The following GRIK4 variants were observed in gnomAD, a reference collection of about 807,000 sequenced individuals.
The protein encoded by GRIK4 is glutamate receptor ionotropic, kainate 4.
A neutral mutation model predicts 104.9 loss-of-function variants in GRIK4; 40 were observed. The observed-to-expected ratio is 0.38, with a 90% CI of 0.30 to 0.50. GRIK4 has a LOEUF of 0.50. GRIK4 is among the 20% of genes least tolerant of loss of function. The pLI, the probability that GRIK4 is intolerant of heterozygous loss-of-function variation, is 0.93. For missense variants in GRIK4, 1,047 were observed against 1,308.1 expected (o/e 0.80, Z 3.08); for synonymous variants, 485 against 524.9 (o/e 0.92, Z 1.04).
intron 14 of GRIK4, among the ~76,000 whole-genome samples, chr11:120,948,360 C>T (rs571998762): frequency 2.0e-5 from 3 of 152,274 alleles, no homozygotes; most frequent in Admixed American, 2.0e-4. Flanking sequence ...GAAGAGAGCT[C>T]GTATCATGCA....
intron 1 of GRIK4, among the ~76,000 whole-genome samples, chr11:120,593,941 G>A (rs2135117617): frequency 6.6e-6 from 1 of 152,110 alleles, no homozygotes; most frequent in East Asian, 1.9e-4. Flanking sequence ...CCTCCAGCAG[G>A]TGCCTCAAAT....
At chr11:120,700,882 C>T (rs1487228058) in intron 3 of GRIK4, among the ~76,000 whole-genome samples, 3 of 152,156 alleles carry the variant, frequency 2.0e-5, no homozygotes, top group East Asian at 1.9e-4. Context: ...TGTGAGCCAT[C>T]GCAGCCGGCC....
At chr11:120,730,953 A>C (rs935334126) in intron 3 of GRIK4, among the ~76,000 whole-genome samples, 2 of 152,134 alleles carry the variant, frequency 1.3e-5, no homozygotes, top group Non-Finnish European at 2.9e-5. Context: ...CAGTTCTAAT[A>C]GTTTTTTGGT....
chr11:120,659,087 T>C (rs1949769002), intron 2 of GRIK4, among the ~76,000 whole-genome samples: 1 of 152,076 alleles, frequency 6.6e-6, no homozygotes, highest in Admixed American at 6.5e-5. Context: ...GCACCTGGGA[T>C]TAGCATATCC....
At chr11:120,706,994 C>T (rs956613490) in intron 3 of GRIK4, among the ~76,000 whole-genome samples, 5 of 152,232 alleles carry the variant, frequency 3.3e-5, no homozygotes, top group African/African-American at 7.2e-5. Context: ...TACCAATCCT[C>T]TCTGACTTGG....
Position 120,524,755 on chromosome 11 carries a change from T to C in GRIK4, c.-159+12868T>C, listed in dbSNP as rs1244950892. 1.3e-5 allele frequency among the ~76,000 whole-genome samples: 2 copies of C among 152,088 alleles called. No individual in the cohort carries two copies. Among genetic ancestry groups the C allele is most frequent in the Non-Finnish European group, 2.9e-5 (2 of 68,016 alleles). ...GGGGTGCTCCTTCAGACATACCCAGTGTGAGCTAGGGGCTGCCTGCATCCT... is the reference window on the plus strand; with the variant it reads ...GGGGTGCTCCTTCAGACATACCCAGCGTGAGCTAGGGGCTGCCTGCATCCT... On this transcript the variant is annotated intron_variant, in intron 1 of 20. Coordinates refer to ENST00000527524, the MANE Select transcript of GRIK4 (RefSeq NM_014619.5). This position sits in a 1 kb window ranked among gnomAD's most constrained non-coding sequence, Gnocchi z 4.5.
intron 1 of GRIK4, among the ~76,000 whole-genome samples, chr11:120,514,092 G>A (rs879081966): frequency 6.6e-6 from 1 of 152,152 alleles, no homozygotes; most frequent in Admixed American, 6.5e-5. Flanking sequence ...GGGAGGACAG[G>A]GGGACCGGCC....
chr11:120,877,057 G>A (rs1449877077), intron 11 of GRIK4, among the ~76,000 whole-genome samples: 1 of 152,324 alleles, frequency 6.6e-6, no homozygotes, highest in Middle Eastern at 3.4e-3. Context: ...GGAAGACGAG[G>A]CAGTAAAAGG....
chr11:120,826,390 A>G (rs11218017), intron 6 of GRIK4, among the ~76,000 whole-genome samples: 19,083 of 152,174 alleles, frequency 0.13, 1,403 homozygotes, highest in Middle Eastern at 0.21. Flanking sequence ...CTCTGACCGT[A>G]TGATCTCAGT....
At chr11:120,742,834 A>T (rs1951360526) in intron 3 of GRIK4, among the ~76,000 whole-genome samples, 1 of 152,218 alleles carries the variant, frequency 6.6e-6, no homozygotes, top group African/African-American at 2.4e-5. Context: ...TTGCAGCACT[A>T]TTCACTACAG....
At chr11:120,682,238 G>A (rs555819328) in intron 3 of GRIK4, among the ~76,000 whole-genome samples, 1 of 152,346 alleles carries the variant, frequency 6.6e-6, no homozygotes, top group South Asian at 2.1e-4. Flanking sequence ...GCATTTGGTG[G>A]TGTCACCTTG....
Position 120,831,964 on chromosome 11 carries a change from GGAC to G in GRIK4, c.628_630del (p.Asp210del), listed in dbSNP as rs764251239. Reference sequence around the variant, plus strand: ...CCACCCCGCTCCTCAAGGAGATCCGGGACGACAAGACCGCCACCATCATCATCC... The same window carrying G: ...CCACCCCGCTCCTCAAGGAGATCCGGGACAAGACCGCCACCATCATCATCC... On this transcript the variant is annotated inframe_deletion, in exon 7 of 21. Transcript: ENST00000527524. 1.2e-6 allele frequency: 2 copies of G among 1,613,906 alleles called. No individual in the cohort carries two copies. Among genetic ancestry groups the G allele is most frequent in the South Asian group, 2.2e-5 (2 of 91,052 alleles).
At chr11:120,668,483 C>T (rs1244775996) in intron 3 of GRIK4, among the ~76,000 whole-genome samples, 2 of 152,132 alleles carry the variant, frequency 1.3e-5, no homozygotes, top group African/African-American at 4.8e-5. Flanking sequence ...AGACGTCAGC[C>T]CCAGCCCTTT....
At chr11:120,529,965 C>A (rs1347651028) in intron 1 of GRIK4, among the ~76,000 whole-genome samples, 1 of 152,214 alleles carries the variant, frequency 6.6e-6, no homozygotes, top group Non-Finnish European at 1.5e-5. Context: ...ATCCCGTTCT[C>A]CTTTTTCTAG....
rs1344587693 is a variant in GRIK4, at chr11:120,549,540, T to A, written c.-159+37653T>A. 6.6e-6 allele frequency among the ~76,000 whole-genome samples: 1 copy of A among 152,154 alleles called. No homozygotes were observed. The highest frequency in any genetic ancestry group is 1.5e-5 in the Non-Finnish European group (1 of 68,020). On this transcript the variant is annotated intron_variant, in intron 1 of 20. Coordinates refer to ENST00000527524, the MANE Select transcript of GRIK4 (RefSeq NM_014619.5). The surrounding 1 kb of genome is among the most constrained non-coding windows in gnomAD (Gnocchi z 4.7). ...GGCACCTGTGTGCAGGCCCCTTTCC[T>A]GTAAGAGGTGAGGGCAGAGACAGGA...
Position 120,774,628 on chromosome 11 carries a change from A to T in GRIK4, c.83-28065A>T, listed in dbSNP as rs550384673. Among the ~76,000 whole-genome samples the T allele has an allele frequency of 7.2e-5, 11 of 152,322 alleles. No individual in the cohort carries two copies. The South Asian group carries it at 2.3e-3, about 32-fold the overall frequency. ...GTCTACTGATTTAAATGTTAATCATATAAAAAATACCTTCATCTAGACTGG... is the reference window on the plus strand; with the variant it reads ...GTCTACTGATTTAAATGTTAATCATTTAAAAAATACCTTCATCTAGACTGG... On this transcript the variant is annotated intron_variant, in intron 3 of 20. Transcript: ENST00000527524.
intron 3 of GRIK4, among the ~76,000 whole-genome samples, chr11:120,767,878 G>C (rs1265599699): frequency 6.6e-6 from 1 of 151,998 alleles, no homozygotes; most frequent in Non-Finnish European, 1.5e-5. Flanking sequence ...TTCATTTCTG[G>C]GTTCTCCATT....
chr11:120,665,889 T>A (rs576214149), intron 3 of GRIK4, among the ~76,000 whole-genome samples: 1 of 152,290 alleles, frequency 6.6e-6, no homozygotes, highest in East Asian at 1.9e-4. Flanking sequence ...TGTGGTGTCA[T>A]CCGTCTTCCC....
chr11:120,526,636 C>T (rs1453056241), intron 1 of GRIK4, among the ~76,000 whole-genome samples: 2 of 152,242 alleles, frequency 1.3e-5, no homozygotes, highest in South Asian at 2.1e-4. Context: ...CGTTCAAGAC[C>T]GGCCTGACCA....
Sources: gnomAD v4.1 joint callset for allele counts (sites outside exome capture counted in the v4.1 genomes callset) on GRCh38, gnomAD v4.1.1 for gene constraint, Gnocchi (gnomAD v3.1) non-coding constraint, MANE v1.5 for transcripts, NCBI Gene and HGNC (gene_info 2026-07-23, HGNC 2026-07-21) for gene names.